SRCIN1: variants seen among roughly 807,000 people sequenced by gnomAD.
SRCIN1 encodes P130Cas-associated protein.
SRCIN1 carries 50 observed loss-of-function variants against 116.2 expected under a neutral mutation model. The ratio of observed to expected loss-of-function variants is 0.43; its 90% CI spans 0.34 to 0.54. The LOEUF (loss-of-function observed/expected upper bound fraction) is 0.54. Among genes scored for constraint, SRCIN1 ranks in the 20% least tolerant of loss-of-function variants. The pLI is 0.02. For missense variants in SRCIN1, 1,446 were observed against 1,672.0 expected (o/e 0.86, Z 2.36); for synonymous variants, 736 against 750.0 (o/e 0.98, Z 0.30).
At chr17:38,548,490 T>A in intron 17 of SRCIN1, 67 bp downstream of exon 17, 1 of 1,586,854 alleles carries the variant, frequency 6.3e-7, no homozygotes. Context: ...TCACCTGGCC[T>A]GGGGGGCAGC....
chr17:38,600,021 G>A (rs750019215), intron 1 of SRCIN1, among the ~76,000 whole-genome samples: 2 of 152,078 alleles, frequency 1.3e-5, no homozygotes, highest in Non-Finnish European at 2.9e-5. Context: ...GTATATGTCC[G>A]GCACTGTGCG....
chr17:38,582,765 G>A (rs934719748), intron 1 of SRCIN1, among the ~76,000 whole-genome samples: 2 of 152,152 alleles, frequency 1.3e-5, no homozygotes, highest in Admixed American at 6.5e-5. Flanking sequence ...GCTGAGGCTC[G>A]GGGAGAAGGG....
In SRCIN1 at chr17:38,558,487, A is replaced by T. The variant is rs540322519; in HGVS notation, c.2026-85T>A. The T allele has an allele frequency of 1.5e-5, 22 of 1,467,776 alleles. No individual in the cohort carries two copies. In the East Asian group the frequency reaches 4.5e-4, roughly 30 times the overall value. The allele number at this position is 1,467,776 out of a possible 1,614,324, so 90.9% of individuals were successfully genotyped here. ...AGGGCCGGGAGAAGGCGGGTAGAGGACTGCCCAATCCAGGGCGGGGCTCTG... is the reference window on the plus strand; with the variant it reads ...AGGGCCGGGAGAAGGCGGGTAGAGGTCTGCCCAATCCAGGGCGGGGCTCTG... On this transcript the variant is annotated intron_variant, in intron 10 of 18. Coordinates refer to ENST00000617146, the MANE Select transcript of SRCIN1 (RefSeq NM_025248.3). The surrounding 1 kb of genome is among the most constrained non-coding windows in gnomAD (Gnocchi z 4.6).
intron 1 of SRCIN1, among the ~76,000 whole-genome samples, chr17:38,603,353 G>A (rs1802678384): frequency 1.3e-5 from 2 of 151,354 alleles, no homozygotes; most frequent in African/African-American, 2.4e-5. Context: ...CAGACCCTCC[G>A]CATTAGGCAA....
intron 2 of SRCIN1, among the ~76,000 whole-genome samples, chr17:38,573,692 GACAAGGCACC>G (rs1031120645): frequency 2.0e-5 from 3 of 152,222 alleles, no homozygotes; most frequent in African/African-American, 7.2e-5. Context: ...CCTCTGGGCA[GACAAGGCACC>G]ACAACCCTAC....
intron 18 of SRCIN1, among the ~76,000 whole-genome samples, chr17:38,534,455 G>A (rs916222275): frequency 1.3e-5 from 2 of 152,124 alleles, no homozygotes; most frequent in African/African-American, 4.8e-5. Context: ...CCTTGTAATT[G>A]TACCCACTGT....
chr17:38,537,032 AC>A (rs1447030657), intron 18 of SRCIN1, among the ~76,000 whole-genome samples: 1 of 151,530 alleles, frequency 6.6e-6, no homozygotes, highest in African/African-American at 2.4e-5. Context: ...ACAAAAATTA[AC>A]CAGGCGTGGT....
chr17:38,592,816 CT>C (rs1264930558), intron 1 of SRCIN1, among the ~76,000 whole-genome samples: 3 of 146,362 alleles, frequency 2.0e-5, no homozygotes, highest in Non-Finnish European at 3.0e-5. Flanking sequence ...GAAGCACAGG[CT>C]TTTTTTGTTG....
intron 18 of SRCIN1, among the ~76,000 whole-genome samples, chr17:38,534,254 G>A (rs2040969230): frequency 6.6e-6 from 1 of 152,164 alleles, no homozygotes; most frequent in Non-Finnish European, 1.5e-5. Flanking sequence ...TGAGAGCTAC[G>A]TGCATTACCT....
chr17:38,598,489 GTGGGGTCTCTGGGTC>G (rs1251056367), intron 1 of SRCIN1, among the ~76,000 whole-genome samples: 1 of 152,190 alleles, frequency 6.6e-6, no homozygotes, highest in African/African-American at 2.4e-5. Context: ...GGCTCTTTCT[GTGGGGTCTCTGGGTC>G]TGGGGTCTCT....
Position 38,572,785 on chromosome 17 carries a change from C to T in SRCIN1, c.325-4554G>A, listed in dbSNP as rs1465914558. On this transcript the variant is annotated intron_variant, in intron 2 of 18. Transcript: ENST00000617146. The surrounding 1 kb of genome is among the most constrained non-coding windows in gnomAD (Gnocchi z 4.3). ...TCTCTCCCCCGGCCGCCTCCGCAGC[C>T]GCGGCCGCCGCCGCCGGTGCCCTTT... 1.3e-5 allele frequency: 2 copies of T among 152,630 alleles called. No individual in the cohort carries two copies. The highest frequency in any genetic ancestry group is 4.8e-5 in the African/African-American group (2 of 41,408). 9.5% of individuals were successfully genotyped at this position (152,630 alleles called of 1,614,324 possible). A position where few individuals can be genotyped will look rare whatever the true frequency, so the allele number is the denominator to read the frequency against.
chr17:38,603,200 GGGGGGAGA>G, intron 1 of SRCIN1, among the ~76,000 whole-genome samples: 1 of 152,104 alleles, frequency 6.6e-6, no homozygotes, highest in East Asian at 1.9e-4. Context: ...AGGGAAGGGA[GGGGGGAGA>G]GGGGGAGAGA....
chr17:38,542,237 C>G (rs770192862), intron 18 of SRCIN1: 4 of 153,714 alleles, frequency 2.6e-5, no homozygotes, highest in Non-Finnish European at 5.8e-5. Context: ...GGGTGGGAAA[C>G]AGTGCAACAT....
In SRCIN1 at chr17:38,533,493, C is replaced by T. The variant is rs1432569257; in HGVS notation, c.3418-62G>A. 7.2e-5 allele frequency: 106 copies of T among 1,464,316 alleles called. 1 individual carries two copies. The highest frequency in any genetic ancestry group is 9.3e-5 in the Non-Finnish European group (101 of 1,081,970). 90.7% of individuals were successfully genotyped at this position (1,464,316 alleles called of 1,614,324 possible). A position where few individuals can be genotyped will look rare whatever the true frequency, so the allele number is the denominator to read the frequency against. On this transcript the variant is annotated intron_variant, in intron 18 of 18. Transcript: ENST00000617146. ...AAGGGAGCGCCTCCATGCTGGCCCCCAGCTGAAGTTTTAAAAGTGGAAAAC... is the reference window on the plus strand; with the variant it reads ...AAGGGAGCGCCTCCATGCTGGCCCCTAGCTGAAGTTTTAAAAGTGGAAAAC...
chr17:38,571,165 G>A (rs979208084), intron 2 of SRCIN1, among the ~76,000 whole-genome samples: 6 of 152,148 alleles, frequency 3.9e-5, no homozygotes, highest in Non-Finnish European at 7.3e-5. Flanking sequence ...ACAGACTAGC[G>A]TGACTGAGAG....
intron 1 of SRCIN1, among the ~76,000 whole-genome samples, chr17:38,592,789 C>T (rs1440005969): frequency 6.6e-6 from 1 of 151,930 alleles, no homozygotes; most frequent in Non-Finnish European, 1.5e-5. Flanking sequence ...TAGCAAGGAT[C>T]ACACTGTGGC....
chr17:38,599,819 C>G (rs1295948044), intron 1 of SRCIN1, among the ~76,000 whole-genome samples: 3 of 152,172 alleles, frequency 2.0e-5, no homozygotes, highest in Non-Finnish European at 4.4e-5. Context: ...GATGAGGGAA[C>G]AGCAGCCTGG....
chr17:38,574,085 G>A (rs1258400488), intron 2 of SRCIN1, among the ~76,000 whole-genome samples: 1 of 152,182 alleles, frequency 6.6e-6, no homozygotes, highest in Non-Finnish European at 1.5e-5. Flanking sequence ...AAGGACCTGA[G>A]CACCCTGTTC....
At position 38,562,706 on chromosome 17, in the gene SRCIN1, T is replaced by C; in HGVS notation, c.834+121A>G. 1.2e-6 allele frequency: 1 copy of C among 853,784 alleles called. No homozygotes were observed. The highest frequency in any genetic ancestry group is 1.8e-6 in the Non-Finnish European group (1 of 540,916). 52.9% of individuals were successfully genotyped at this position (853,784 alleles called of 1,614,324 possible). A position where few individuals can be genotyped will look rare whatever the true frequency, so the allele number is the denominator to read the frequency against. ...GGGACAGGGGCTCTTCCCTAACCCC[T>C]CAGCCCCTATGCTGTCTTCTCCAAA... On this transcript the variant is annotated intron_variant, in intron 6 of 18. Transcript: ENST00000617146. This position sits in a 1 kb window ranked among gnomAD's most constrained non-coding sequence, Gnocchi z 4.2.
Sources: gnomAD v4.1 joint callset for allele counts (sites outside exome capture counted in the v4.1 genomes callset) on GRCh38, gnomAD v4.1.1 for gene constraint, Gnocchi (gnomAD v3.1) non-coding constraint, MANE v1.5 for transcripts, NCBI Gene and HGNC (gene_info 2026-07-23, HGNC 2026-07-21) for gene names.